FLRT2: variants seen among roughly 807,000 people sequenced by gnomAD.
The protein encoded by FLRT2 is leucine-rich repeat transmembrane protein FLRT2.
Under a neutral mutation model 40.0 loss-of-function variants are expected in FLRT2, and 15 were observed. The observed-to-expected ratio is 0.38, with a 90% confidence interval of 0.25 to 0.58. The LOEUF is 0.58. Among genes scored for constraint, FLRT2 ranks in the 20% least tolerant of loss-of-function variants. FLRT2 has a pLI of 0.71. For synonymous variants in FLRT2, 380 were observed against 336.8 expected (o/e 1.13, Z -1.41); for missense variants, 726 against 840.0 (o/e 0.86, Z 1.68).
In FLRT2 at chr14:85,622,285, C is replaced by T. The variant is rs764530673; in HGVS notation, c.771C>T (p.Leu257=). 4.3e-6 allele frequency: 7 copies of T among 1,614,048 alleles called. No individual in the cohort carries two copies. In the South Asian group the frequency reaches 4.4e-5, roughly 10 times the overall value. The change falls in exon 2 of 2, where the codon CTC becomes CTT. Residue 257 remains leucine, a synonymous_variant. Transcript: ENST00000330753. ...PDLPGTHLIR[L]YLQDNQINHI... is the part of the protein sequence containing the mutation. ...TCCCAGGTACGCATCTGATCAGGCT[C>T]TATTTGCAGGACAACCAGATAAACC... is the stretch of plus-strand genomic sequence containing the variant.
intron 1 of FLRT2, among the ~76,000 whole-genome samples, chr14:85,563,387 T>C (rs1890462770): frequency 6.6e-6 from 1 of 152,180 alleles, no homozygotes; most frequent in Non-Finnish European, 1.5e-5. Context: ...ACTGCTGTAA[T>C]AAGCTACCTG....
rs1566767940 is a variant in FLRT2, at chr14:85,626,243, T to C, written c.*2746T>C. ...ACAACTGTCCCTGGGGATTCTGCTT[T>C]GATTGGCATTTTTAGTCATGGGAAT... On this transcript the variant is annotated 3_prime_UTR_variant, in exon 2 of 2. Coordinates refer to ENST00000330753, the MANE Select transcript of FLRT2 (RefSeq NM_013231.6). 1 of 167,128 alleles carries C rather than the reference T, an allele frequency of 6.0e-6. No individual in the cohort carries two copies. Among genetic ancestry groups the C allele is most frequent in the East Asian group, 1.9e-4 (1 of 5,192 alleles). The allele number at this position is 167,128 out of a possible 1,614,324, so 10.4% of individuals were successfully genotyped here.
At chr14:85,610,018 G>C (rs561074226) in intron 1 of FLRT2, among the ~76,000 whole-genome samples, 37 of 152,158 alleles carry the variant, frequency 2.4e-4, no homozygotes, top group African/African-American at 8.0e-4. Flanking sequence ...GCCTTCCCCA[G>C]TGGAAGGGAC....
At chr14:85,587,716 A>G (rs1353137315) in intron 1 of FLRT2, among the ~76,000 whole-genome samples, 2 of 152,168 alleles carry the variant, frequency 1.3e-5, no homozygotes, top group African/African-American at 2.4e-5. Flanking sequence ...AAGACTTTAC[A>G]TAAAAACTCA....
At position 85,635,321 on chromosome 14, in the gene FLRT2, C is replaced by T. The variant is rs1318865515; in HGVS notation, c.*11824C>T. The T allele has an allele frequency of 1.3e-5, 2 of 151,970 alleles. No homozygotes were observed. The highest frequency in any genetic ancestry group is 2.9e-5 in the Non-Finnish European group (2 of 67,966). 9.4% of individuals were successfully genotyped at this position (151,970 alleles called of 1,614,324 possible). On this transcript the variant is annotated 3_prime_UTR_variant, in exon 2 of 2. Transcript: ENST00000330753. ...TCAGTGGTTGGCATATATTCAAACC[C>T]ATTATGGCTGAAAAATTACAAATGA... is the stretch of plus-strand genomic sequence containing the variant.
At chr14:85,567,635 A>ATTTTTTTTTTTT (rs34161461) in intron 1 of FLRT2, among the ~76,000 whole-genome samples, 1 of 75,064 alleles carries the variant, frequency 1.3e-5, no homozygotes, top group African/African-American at 4.9e-5. Flanking sequence ...AGTGACTTAC[A>ATTTTTTTTTTTT]TTTTTTTTTT....
chr14:85,601,861 C>T (rs1892391625), intron 1 of FLRT2, among the ~76,000 whole-genome samples: 2 of 152,130 alleles, frequency 1.3e-5, no homozygotes, highest in South Asian at 4.1e-4. Context: ...CTGTGTCTGA[C>T]ATACTCAGCT....
chr14:85,558,348 T>G (rs531314304), intron 1 of FLRT2, among the ~76,000 whole-genome samples: 1 of 152,104 alleles, frequency 6.6e-6, no homozygotes, highest in South Asian at 2.1e-4. Context: ...TTAAAAAAAG[T>G]AAATAAGGAT....
intron 1 of FLRT2, among the ~76,000 whole-genome samples, chr14:85,564,773 G>A (rs1215874298): frequency 3.3e-5 from 5 of 152,152 alleles, no homozygotes; most frequent in Admixed American, 6.5e-5. Flanking sequence ...GTGCAGCTTC[G>A]CATCCTCTGC....
intron 1 of FLRT2, among the ~76,000 whole-genome samples, chr14:85,575,210 G>T (rs1044021039): frequency 1.3e-5 from 2 of 152,194 alleles, no homozygotes; most frequent in Admixed American, 6.5e-5. Flanking sequence ...GGTTGTGATT[G>T]TCAAGGATCT....
chr14:85,577,790 A>G (rs1354751314), intron 1 of FLRT2, among the ~76,000 whole-genome samples: 1 of 152,046 alleles, frequency 6.6e-6, no homozygotes, highest in African/African-American at 2.4e-5. Flanking sequence ...AGTGTTGCCC[A>G]GGCTGGCCTC....
chr14:85,584,562 C>T (rs1391483453), intron 1 of FLRT2, among the ~76,000 whole-genome samples: 16 of 151,788 alleles, frequency 1.1e-4, no homozygotes. Flanking sequence ...TGACAGTATG[C>T]CCCCCAGAGC....
rs1333006818 is a variant in FLRT2, at chr14:85,635,628, G to T, written c.*12131G>T. 6.6e-6 allele frequency: 1 copy of T among 151,928 alleles called. No homozygotes were observed. Among genetic ancestry groups the T allele is most frequent in the Admixed American group, 6.6e-5 (1 of 15,234 alleles). 9.4% of individuals were successfully genotyped at this position (151,928 alleles called of 1,614,324 possible). A position where few individuals can be genotyped will look rare whatever the true frequency, so the allele number is the denominator to read the frequency against. On this transcript the variant is annotated 3_prime_UTR_variant, in exon 2 of 2. Coordinates refer to ENST00000330753, the MANE Select transcript of FLRT2 (RefSeq NM_013231.6). ...AGCTAGAAAATATTAAATAATAAATGTGGTTTATTTTTGATGGAATAGAAC... is the reference window on the plus strand; with the variant it reads ...AGCTAGAAAATATTAAATAATAAATTTGGTTTATTTTTGATGGAATAGAAC...
intron 1 of FLRT2, among the ~76,000 whole-genome samples, chr14:85,575,601 A>T (rs566359403): frequency 6.0e-4 from 92 of 152,162 alleles, no homozygotes; most frequent in Non-Finnish European, 1.1e-3. Flanking sequence ...GCCCCAAACC[A>T]CTGTTTTGTA....
intron 1 of FLRT2, among the ~76,000 whole-genome samples, chr14:85,599,539 T>G (rs1220798768): frequency 6.6e-6 from 1 of 152,200 alleles, no homozygotes; most frequent in East Asian, 1.9e-4. Flanking sequence ...GAACACTGGT[T>G]TCTCTAATGT....
intron 1 of FLRT2, among the ~76,000 whole-genome samples, chr14:85,612,764 C>G (rs570051156): frequency 1.3e-5 from 2 of 152,162 alleles, no homozygotes; most frequent in Non-Finnish European, 2.9e-5. Context: ...CATTTACATT[C>G]AGAGCCATCT....
At position 85,628,067 on chromosome 14, in the gene FLRT2, T is replaced by C. The variant is rs1045647730; in HGVS notation, c.*4570T>C. 5 of 154,266 alleles carry C rather than the reference T, an allele frequency of 3.2e-5. No homozygotes were observed. Among genetic ancestry groups the C allele is most frequent in the Non-Finnish European group, 5.9e-5 (4 of 68,046 alleles). 9.6% of individuals were successfully genotyped at this position (154,266 alleles called of 1,614,324 possible). Reference sequence around the variant, plus strand: ...CTATCATGAATATGACTTGCATTTCTAAAGGCCATTTGATCCTTTTTGTGT... The same window carrying C: ...CTATCATGAATATGACTTGCATTTCCAAAGGCCATTTGATCCTTTTTGTGT... On this transcript the variant is annotated 3_prime_UTR_variant, in exon 2 of 2. Coordinates refer to ENST00000330753, the MANE Select transcript of FLRT2 (RefSeq NM_013231.6).
chr14:85,569,590 C>G (rs192792484), intron 1 of FLRT2, among the ~76,000 whole-genome samples: 1 of 152,188 alleles, frequency 6.6e-6, no homozygotes, highest in Non-Finnish European at 1.5e-5. Context: ...CTTTAGAGTT[C>G]TCATAAAGTC....
rs1040110106 is a variant in FLRT2, at chr14:85,644,096, A to G, written c.*20599A>G. 4 of 152,330 alleles carry G rather than the reference A, an allele frequency of 2.6e-5. No homozygotes were observed. Among genetic ancestry groups the G allele is most frequent in the African/African-American group, 9.6e-5 (4 of 41,576 alleles). The allele number at this position is 152,330 out of a possible 1,614,324, so 9.4% of individuals were successfully genotyped here. A position where few individuals can be genotyped will look rare whatever the true frequency, so the allele number is the denominator to read the frequency against. On this transcript the variant is annotated 3_prime_UTR_variant, in exon 2 of 2. Transcript: ENST00000330753. ...TAACACTCACACAATTCCCAGATTCAAGGTGCAGCAGTGGATATTTCTAAG... is the reference window on the plus strand; with the variant it reads ...TAACACTCACACAATTCCCAGATTCGAGGTGCAGCAGTGGATATTTCTAAG...
Sources: allele counts gnomAD v4.1 joint callset (sites outside exome capture counted in the v4.1 genomes callset), GRCh38; gene constraint gnomAD v4.1.1; transcripts MANE v1.5; gene names NCBI Gene and HGNC (gene_info 2026-07-23, HGNC 2026-07-21).